CRLF3: variants seen among roughly 807,000 people sequenced by gnomAD.
The protein encoded by CRLF3 is cytokine receptor-like factor 3.
Under a neutral mutation model 55.0 loss-of-function variants are expected in CRLF3, and 33 were observed. That is an observed-to-expected ratio of 0.60 (90% CI 0.46 to 0.80). CRLF3 has a LOEUF of 0.80. Among genes scored for constraint, CRLF3 ranks in the 30% least tolerant of loss-of-function variants. The pLI is 0.00. For synonymous variants in CRLF3, 238 were observed against 196.8 expected, an observed-to-expected ratio of 1.21 and a Z score of -1.75; for missense variants, 494 against 538.4, an observed-to-expected ratio of 0.92 and a Z score of 0.82.
At chr17:30,793,326 G>A in intron 5 of CRLF3, 124 bp downstream of exon 5, 4 of 705,188 alleles carry the variant, frequency 5.7e-6, no homozygotes, top group Non-Finnish European at 9.6e-6. Context: ...CATGGTGCAT[G>A]TTGTTCTTAT....
intron 1 of CRLF3, among the ~76,000 whole-genome samples, chr17:30,822,785 C>G (rs945467221): frequency 5.9e-5 from 9 of 151,898 alleles, no homozygotes; most frequent in African/African-American, 2.2e-4. Flanking sequence ...ATTGCTAATA[C>G]AAAAACAATA....
chr17:30,792,791 CAA>C (rs1567660720), intron 5 of CRLF3: 3 of 425,654 alleles, frequency 7.0e-6, no homozygotes, highest in Non-Finnish European at 1.3e-5. Context: ...ATAAATCACA[CAA>C]GTGTTATCTC....
chr17:30,802,373 A>ACCTCCC (rs1972020253), intron 2 of CRLF3, among the ~76,000 whole-genome samples: 1 of 150,954 alleles, frequency 6.6e-6, no homozygotes, highest in Non-Finnish European at 1.5e-5. Context: ...GCCCACCTCC[A>ACCTCCC]CCTCCCAAAG....
chr17:30,788,694 G>A (rs999138293), intron 6 of CRLF3, among the ~76,000 whole-genome samples: 2 of 130,256 alleles, frequency 1.5e-5, no homozygotes, highest in Non-Finnish European at 3.1e-5. Context: ...TGCAACCTCC[G>A]CCTCCTGGGT....
chr17:30,821,339 CAAAAAAAAAAA>C (rs112600272), intron 1 of CRLF3, among the ~76,000 whole-genome samples: 1 of 116,184 alleles, frequency 8.6e-6, no homozygotes, highest in African/African-American at 2.9e-5. Flanking sequence ...GGTCCTTTCT[CAAAAAAAAAAA>C]AAAAGAAAAA....
intron 3 of CRLF3, 148 bp from the exon 4 acceptor site, chr17:30,796,485 CAA>C: frequency 1.8e-6 from 1 of 567,764 alleles, no homozygotes; most frequent in South Asian, 3.1e-5. Flanking sequence ...AGATGTTACA[CAA>C]AGATTCTCTT....
rs781633420 is a variant in CRLF3, at chr17:30,793,690, A to ATGTT, written c.604-22_604-19dup. 4.5e-6 allele frequency: 7 copies of ATGTT among 1,566,066 alleles called. No homozygotes were observed. The African/African-American group carries it at 6.8e-5, about 15-fold the overall frequency. On this transcript the variant is annotated intron_variant, in intron 4 of 7. Coordinates refer to ENST00000324238, the MANE Select transcript of CRLF3 (RefSeq NM_015986.4). ...TCATCCACCTAGGGAGAAAAGCTTTATGTTAGGTAAAAAACAGAAAATGAC... is the reference window on the plus strand; with the variant it reads ...TCATCCACCTAGGGAGAAAAGCTTTATGTTTGTTAGGTAAAAAACAGAAAATGAC...
intron 6 of CRLF3, chr17:30,786,301 G>A: frequency 3.9e-6 from 1 of 256,498 alleles, no homozygotes; most frequent in Non-Finnish European, 7.4e-6. Flanking sequence ...GTGCGGTGGT[G>A]CGACCTTGGC....
At chr17:30,805,755 G>T (rs1460585116) in intron 1 of CRLF3, among the ~76,000 whole-genome samples, 2 of 151,838 alleles carry the variant, frequency 1.3e-5, no homozygotes, top group East Asian at 3.9e-4. Context: ...AGGTGCAGTG[G>T]CTCACACCTA....
At chr17:30,811,736 G>A (rs1269159684) in intron 1 of CRLF3, among the ~76,000 whole-genome samples, 3 of 147,706 alleles carry the variant, frequency 2.0e-5, no homozygotes, top group Non-Finnish European at 4.5e-5. Flanking sequence ...CCTGGGAGGT[G>A]GAGGTTGCAG....
intron 6 of CRLF3, chr17:30,790,749 T>A (rs2142247462): frequency 6.6e-6 from 1 of 151,340 alleles, no homozygotes. Context: ...CCCGAGTAGC[T>A]GGGACTACAG....
chr17:30,824,475 C>G lies in CRLF3; in HGVS notation c.129+48G>C, dbSNP rs762953778. ...GCCCTCCCAGCCTTCGCCCGGCATC[C>G]GCGCCACCCCCGGGCCCACAGCGCC... is the stretch of plus-strand genomic sequence containing the variant. On this transcript the variant is annotated intron_variant, in intron 1 of 7. Transcript: ENST00000324238. 9.2e-6 allele frequency: 14 copies of G among 1,528,764 alleles called. No individual in the cohort carries two copies. The East Asian group carries it at 3.2e-4, about 35-fold the overall frequency. The allele number at this position is 1,528,764 out of a possible 1,614,324, so 94.7% of individuals were successfully genotyped here.
intron 1 of CRLF3, among the ~76,000 whole-genome samples, chr17:30,818,977 G>A (rs1316485283): frequency 6.6e-6 from 1 of 151,772 alleles, no homozygotes; most frequent in Non-Finnish European, 1.5e-5. Flanking sequence ...CACCACACCT[G>A]GCTAATTTTT....
At chr17:30,808,632 G>A (rs998132871) in intron 1 of CRLF3, among the ~76,000 whole-genome samples, 3 of 143,228 alleles carry the variant, frequency 2.1e-5, no homozygotes, top group South Asian at 2.2e-4. Context: ...TTGCTCTGTC[G>A]CCCAGGCTGG....
chr17:30,822,698 T>A (rs537836593), intron 1 of CRLF3, among the ~76,000 whole-genome samples: 115 of 152,340 alleles, frequency 7.5e-4, no homozygotes, highest in African/African-American at 2.5e-3. Flanking sequence ...CGATTTTTTT[T>A]AATGCATCCA....
At chr17:30,813,887 T>C (rs1904704032) in intron 1 of CRLF3, among the ~76,000 whole-genome samples, 1 of 152,132 alleles carries the variant, frequency 6.6e-6, no homozygotes, top group South Asian at 2.1e-4. Flanking sequence ...AAATTTAGTT[T>C]CTCAAGCTTT....
At chr17:30,816,662 A>C (rs1420456521) in intron 1 of CRLF3, among the ~76,000 whole-genome samples, 2 of 151,224 alleles carry the variant, frequency 1.3e-5, no homozygotes, top group Admixed American at 1.3e-4. Context: ...GCTAATTTTT[A>C]ATTTCTTTGT....
intron 2 of CRLF3, among the ~76,000 whole-genome samples, chr17:30,802,982 T>G (rs1191168352): frequency 6.6e-6 from 1 of 151,098 alleles, no homozygotes; most frequent in African/African-American, 2.4e-5. Flanking sequence ...CTGGGCAACA[T>G]GGTGAAACCC....
chr17:30,794,800 A>G (rs1322204626), intron 4 of CRLF3, among the ~76,000 whole-genome samples: 2 of 151,832 alleles, frequency 1.3e-5, no homozygotes, highest in African/African-American at 2.4e-5. Flanking sequence ...TCTCAAAAAC[A>G]AACAAATAAA....
Sources: allele counts gnomAD v4.1 joint callset (sites outside exome capture counted in the v4.1 genomes callset), GRCh38; gene constraint gnomAD v4.1.1; transcripts MANE v1.5; gene names NCBI Gene and HGNC (gene_info 2026-07-23, HGNC 2026-07-21).